FOXP4: variants seen among roughly 807,000 people sequenced by gnomAD.
FOXP4 encodes the protein forkhead box P4.
In FOXP4, 25 loss-of-function variants were observed where a neutral mutation model predicts 82.6. The ratio of observed to expected loss-of-function variants is 0.30; its 90% confidence interval spans 0.22 to 0.42. The LOEUF is 0.42. Among genes scored for constraint, FOXP4 ranks in the 10% least tolerant of loss-of-function variants. FOXP4 has a pLI of 1.00. For synonymous variants in FOXP4, 415 were observed against 388.2 expected, an observed-to-expected ratio of 1.07 and a Z score of -0.81; for missense variants, 785 against 900.9, an observed-to-expected ratio of 0.87 and a Z score of 1.65.
intron 3 of FOXP4, among the ~76,000 whole-genome samples, chr6:41,578,705 G>C (rs1240283524): frequency 1.6e-5 from 2 of 128,392 alleles, no homozygotes; most frequent in Non-Finnish European, 3.3e-5. Context: ...GGGGAGATCT[G>C]TGGGGGGTGG....
chr6:41,585,581 C>A, intron 5 of FOXP4, 64 bp downstream of exon 5: 1 of 1,481,214 alleles, frequency 6.8e-7, no homozygotes, highest in Non-Finnish European at 9.3e-7. Flanking sequence ...GTGTCCAGAG[C>A]TGGTCAGGAG....
intron 1 of FOXP4, among the ~76,000 whole-genome samples, chr6:41,562,489 G>GCC (rs575801323): frequency 6.6e-6 from 1 of 151,580 alleles, no homozygotes; most frequent in African/African-American, 2.4e-5. Flanking sequence ...TACTCTGTAT[G>GCC]CCCCCCCCAT....
intron 2 of FOXP4, among the ~76,000 whole-genome samples, chr6:41,576,185 G>A (rs1046649694): frequency 6.6e-6 from 1 of 152,154 alleles, no homozygotes; most frequent in African/African-American, 2.4e-5. Context: ...TTCTCTGGGT[G>A]TGACATCCAG....
chr6:41,586,592 G>T (rs923138781), intron 5 of FOXP4, among the ~76,000 whole-genome samples: 17 of 152,362 alleles, frequency 1.1e-4, no homozygotes, highest in African/African-American at 3.6e-4. Context: ...CAGAGCAGAA[G>T]GGGGCACCCC....
In FOXP4 at chr6:41,598,763, G is replaced by C; in HGVS notation, c.1896-26G>C. ...GAGGGCATCAGAGGACAGCCGCCTG[G>C]TGCCCATGCCATACTTTTGCCTCAG... On this transcript the variant is annotated intron_variant, in intron 16 of 16. Transcript: ENST00000307972. The C allele has an allele frequency of 2.6e-6, 4 of 1,550,642 alleles. No homozygotes were observed. The Middle Eastern group carries it at 8.4e-4, about 326-fold the overall frequency.
chr6:41,586,525 T>C (rs1460382555), intron 5 of FOXP4, among the ~76,000 whole-genome samples: 1 of 152,186 alleles, frequency 6.6e-6, no homozygotes, highest in Non-Finnish European at 1.5e-5. Flanking sequence ...ACTCCTTGAT[T>C]CTCTGTATCT....
At chr6:41,553,446 A>G (rs1764109542) in intron 1 of FOXP4, among the ~76,000 whole-genome samples, 1 of 151,218 alleles carries the variant, frequency 6.6e-6, no homozygotes, top group African/African-American at 2.4e-5. Context: ...CCTTTCTTTT[A>G]ATTGCACTTA....
intron 13 of FOXP4, 93 bp from the exon 14 acceptor site, chr6:41,594,777 G>A (rs556089103): frequency 8.3e-6 from 13 of 1,558,680 alleles, no homozygotes; most frequent in Middle Eastern, 3.4e-4. Context: ...AAGGTGGGCC[G>A]CTGCTGCGTG....
At position 41,587,453 on chromosome 6, in the gene FOXP4, C is replaced by T. The variant is rs144343674; in HGVS notation, c.813C>T (p.Pro271=). The T allele has an allele frequency of 7.7e-6, 12 of 1,556,686 alleles. No individual in the cohort carries two copies. In the South Asian group the frequency reaches 8.6e-5, roughly 11 times the overall value. ...CCGCTCCCCCCAAGGTCTCACCCCC[C>T]CTCTCCCACCATACCCTGCCCAACG... is the stretch of plus-strand genomic sequence containing the variant. The part of the protein sequence containing the change: ...SFAAPPKVSP[P]LSHHTLPNGQ... The change falls in exon 7 of 17, where the codon CCC becomes CCT. Residue 271 remains proline (P), a synonymous_variant. Transcript: ENST00000307972.
chr6:41,576,092 A>G (rs943842390), intron 2 of FOXP4, among the ~76,000 whole-genome samples: 1 of 140,434 alleles, frequency 7.1e-6, no homozygotes, highest in Non-Finnish European at 1.6e-5. Flanking sequence ...GAGCCTTTTG[A>G]CTTAGAAAGG....
At chr6:41,583,552 A>G (rs1249743919) in intron 3 of FOXP4, among the ~76,000 whole-genome samples, 1 of 152,206 alleles carries the variant, frequency 6.6e-6, no homozygotes, top group Non-Finnish European at 1.5e-5. Flanking sequence ...GTGCCAGGGA[A>G]GGCATTTCAG....
chr6:41,597,140 A>G, intron 14 of FOXP4, 36 bp from the exon 15 acceptor site: 1 of 1,607,226 alleles, frequency 6.2e-7, no homozygotes, highest in Non-Finnish European at 8.5e-7. Flanking sequence ...AGCTAAGTGA[A>G]TGAGTGAGCC....
At chr6:41,579,284 C>T (rs1173141976) in intron 3 of FOXP4, among the ~76,000 whole-genome samples, 1 of 152,006 alleles carries the variant, frequency 6.6e-6, no homozygotes, top group African/African-American at 2.4e-5. Context: ...TCTGGAAAGT[C>T]AATAAAGAGA....
rs762113105 is a variant in FOXP4 at position 41,589,845 on chromosome 6, C to T, written c.1140C>T (p.Phe380=). Reference sequence around the variant, plus strand: ...TGCGGCCCTCGGAGCCCAAGCCCTTCAGCCAGCCAGTGAGTGCTGCTCCCC... The same window carrying T: ...TGCGGCCCTCGGAGCCCAAGCCCTTTAGCCAGCCAGTGAGTGCTGCTCCCC... ...LHMRPSEPKP[F]SQPLNPVPGS... is the part of the protein sequence containing the mutation. Residue 380 remains phenylalanine (F), a synonymous_variant, in exon 10 of 17, where the codon TTC becomes TTT. Transcript: ENST00000307972. 116 of 1,610,788 alleles carry T rather than the reference C, an allele frequency of 7.2e-5. No individual in the cohort carries two copies. The highest frequency in any genetic ancestry group is 9.3e-5 in the Non-Finnish European group (110 of 1,179,918).
rs1763648900 is a variant in FOXP4 at position 41,546,833 on chromosome 6, G to A, written c.-51G>A. 1 of 149,438 alleles carries A rather than the reference G, an allele frequency of 6.7e-6. No individual in the cohort carries two copies. Among genetic ancestry groups the A allele is most frequent in the Admixed American group, 6.7e-5 (1 of 15,016 alleles). The allele number at this position is 149,438 out of a possible 1,614,324, so 9.3% of individuals were successfully genotyped here. ...GCCCCATGCCCCGCGCGGGCTGACG[G>A]GCCGGAGCCCGCACGGAGCGGCCGG... On this transcript the variant is annotated 5_prime_UTR_variant, in exon 1 of 17. Transcript: ENST00000307972.
In FOXP4 at chr6:41,599,290, C is replaced by T. The variant is rs1399327402; in HGVS notation, c.*354C>T. 4 of 188,668 alleles carry T rather than the reference C, an allele frequency of 2.1e-5. No individual in the cohort carries two copies. Among genetic ancestry groups the T allele is most frequent in the South Asian group, 1.5e-4 (1 of 6,662 alleles). The allele number at this position is 188,668 out of a possible 1,614,324, so 11.7% of individuals were successfully genotyped here. A position where few individuals can be genotyped will look rare whatever the true frequency, so the allele number is the denominator to read the frequency against. Reference sequence around the variant, plus strand: ...AGGGCCCCTCAGCATCATGGAGACCCGCAGGCGGGGCTTAGCCACCCCTCA... The same window carrying T: ...AGGGCCCCTCAGCATCATGGAGACCTGCAGGCGGGGCTTAGCCACCCCTCA... On this transcript the variant is annotated 3_prime_UTR_variant, in exon 17 of 17. Transcript: ENST00000307972.
In FOXP4 at chr6:41,565,827, C is replaced by G. The variant is rs201851555; in HGVS notation, c.67C>G (p.Leu23Val). The change falls in exon 2 of 17, where the codon CTC becomes GTC. Residue 23 changes from leucine (L) to valine (V), a missense_variant. By Grantham distance (32) the Leu-to-Val change is conservative (BLOSUM62 1). Coordinates refer to ENST00000307972, the MANE Select transcript of FOXP4 (RefSeq NM_001012426.2). Reference protein sequence around the residue: ...APSGQNGVGSLSGQADGSSGG... With the variant: ...APSGQNGVGSVSGQADGSSGG... Reference sequence around the variant, plus strand: ...ATCTGGTCAGAATGGCGTGGGCAGCCTCTCTGGGCAAGCCGATGGCAGCAG... The same window carrying G: ...ATCTGGTCAGAATGGCGTGGGCAGCGTCTCTGGGCAAGCCGATGGCAGCAG... The G allele has an allele frequency of 1.7e-5, 27 of 1,613,868 alleles. No individual in the cohort carries two copies. In the East Asian group the frequency reaches 4.7e-4, roughly 28 times the overall value.
chr6:41,586,645 G>A (rs1766140792), intron 5 of FOXP4, among the ~76,000 whole-genome samples: 1 of 152,190 alleles, frequency 6.6e-6, no homozygotes. Flanking sequence ...GTGGCCCCCA[G>A]AATCTGACAG....
In FOXP4 at chr6:41,561,519, G is replaced by T. The variant is rs1185137755; in HGVS notation, c.-16-4226G>T. 1.3e-5 allele frequency among the ~76,000 whole-genome samples: 2 copies of T among 152,194 alleles called. 1 individual carries two copies. On this transcript the variant is annotated intron_variant, in intron 1 of 16. Transcript: ENST00000307972. ...AGATGGTCTAATTCTCAGAGCCTCTGCCTTCCTGTTCCGCAGGTGTTCAGC... is the reference window on the plus strand; with the variant it reads ...AGATGGTCTAATTCTCAGAGCCTCTTCCTTCCTGTTCCGCAGGTGTTCAGC...
Sources: gnomAD v4.1 joint callset for allele counts (sites outside exome capture counted in the v4.1 genomes callset) on GRCh38, gnomAD v4.1.1 for gene constraint, MANE v1.5 for transcripts, NCBI Gene and HGNC (gene_info 2026-07-23, HGNC 2026-07-21) for gene names.